Variants in NLRP12 observed in about 807,000 individuals in gnomAD.
The protein encoded by NLRP12 is NLR family pyrin domain containing 12, also known as NACHT, LRR and PYD domains-containing protein 12.
Under a neutral mutation model 91.2 loss-of-function variants are expected in NLRP12, and 108 were observed. The ratio of observed to expected loss-of-function variants is 1.18; its 90% confidence interval spans 1.01 to 1.39. NLRP12 has a LOEUF of 1.39. Among genes scored for constraint, NLRP12 ranks in the 40% most tolerant of loss-of-function variants. The pLI, the probability that NLRP12 is intolerant of heterozygous loss-of-function variation, is 0.00. For synonymous variants in NLRP12, 613 were observed against 566.7 expected (o/e 1.08, Z -1.16); for missense variants, 1,530 against 1,352.7 (o/e 1.13, Z -2.06).
At chr19:53,795,105 T>C (rs1217290891) in intron 9 of NLRP12, among the ~76,000 whole-genome samples, 7 of 65,892 alleles carry the variant, frequency 1.1e-4, no homozygotes, top group Admixed American at 9.2e-4. Flanking sequence ...ACCTGGTGTG[T>C]GCGTGTGTGT....
chr19:53,822,266 G>A (rs1305760296), intron 1 of NLRP12, among the ~76,000 whole-genome samples: 1 of 152,120 alleles, frequency 6.6e-6, no homozygotes, highest in African/African-American at 2.4e-5. Context: ...ATATAGATGT[G>A]TGTGTACGTA....
intron 1 of NLRP12, among the ~76,000 whole-genome samples, chr19:53,822,170 C>T (rs1273633582): frequency 6.6e-6 from 1 of 152,118 alleles, no homozygotes; most frequent in Admixed American, 6.6e-5. Flanking sequence ...ATCAATCTTA[C>T]TCTGAATCTC....
intron 4 of NLRP12, among the ~76,000 whole-genome samples, chr19:53,806,789 T>A (rs2091966420): frequency 6.7e-6 from 1 of 148,458 alleles, no homozygotes; most frequent in South Asian, 2.1e-4. Flanking sequence ...GTCCAGGAGT[T>A]TGGGGCTGCA....
At chr19:53,802,429 C>T (rs577103365) in intron 6 of NLRP12, among the ~76,000 whole-genome samples, 5 of 150,906 alleles carry the variant, frequency 3.3e-5, no homozygotes, top group South Asian at 4.2e-4. Context: ...AGAATGCGGC[C>T]GGGCATGGTG....
In NLRP12 at chr19:53,811,000, C is replaced by T. The variant is rs757161509; in HGVS notation, c.659G>A (p.Gly220Glu). 18 of 1,613,998 alleles carry T rather than the reference C, an allele frequency of 1.1e-5. No individual in the cohort carries two copies. Among genetic ancestry groups the T allele is most frequent in the Non-Finnish European group, 1.5e-5 (18 of 1,179,874 alleles). Reference protein sequence around the residue: ...PRTVVMQGAAGIGKSMLAHKV... With the variant: ...PRTVVMQGAAEIGKSMLAHKV... ...GTGTGCCAGCATGGACTTGCCTATC[C>T]CTGCCGCGCCTTGCATGACCACGGT... The change falls in exon 3 of 10, where the codon GGG becomes GAG. Residue 220 changes from glycine to glutamate, a missense_variant. Physicochemically the swap from Gly to Glu is moderately conservative, Grantham distance 98. Transcript: ENST00000324134.
chr19:53,817,584 A>G (rs2092181191), intron 1 of NLRP12, among the ~76,000 whole-genome samples: 1 of 149,750 alleles, frequency 6.7e-6, no homozygotes, highest in African/African-American at 2.5e-5. Flanking sequence ...AAAAATACAA[A>G]AATTAGCTGG....
Position 53,801,384 on chromosome 19 carries a change from G to A in NLRP12, c.2599C>T (p.Arg867Cys), listed in dbSNP as rs149373778. The A allele has an allele frequency of 4.2e-5, 67 of 1,613,724 alleles. No individual in the cohort carries two copies. Among genetic ancestry groups the A allele is most frequent in the Middle Eastern group, 1.6e-4 (1 of 6,078 alleles). ...RLRTLWLKICRLTAAACDELA... is the reference protein window; with the variant it reads ...RLRTLWLKICCLTAAACDELA... Reference sequence around the variant, plus strand: ...TCGTCACAGGCAGCAGCAGTGAGGCGGCAGATCTTCAGCCTGCACAAAGTC... The same window carrying A: ...TCGTCACAGGCAGCAGCAGTGAGGCAGCAGATCTTCAGCCTGCACAAAGTC... The change falls in exon 7 of 10, where the codon CGC becomes TGC. Residue 867 changes from arginine (R) to cysteine (C), a missense_variant. Physicochemically the swap from Arg to Cys is radical, Grantham distance 180. Coordinates refer to ENST00000324134, the MANE Select transcript of NLRP12 (RefSeq NM_144687.4).
At chr19:53,816,976 A>G (rs1318146680) in intron 1 of NLRP12, among the ~76,000 whole-genome samples, 1 of 149,540 alleles carries the variant, frequency 6.7e-6, no homozygotes, top group Non-Finnish European at 1.5e-5. Context: ...TAAATGTACA[A>G]CACTCAGCAG....
intron 6 of NLRP12, among the ~76,000 whole-genome samples, chr19:53,801,933 TAATAC>T: frequency 6.6e-6 from 1 of 151,478 alleles, no homozygotes; most frequent in East Asian, 2.0e-4. Context: ...TCTCTACTAA[TAATAC>T]AAAATTAGAC....
At chr19:53,816,591 G>A (rs1291373103) in intron 1 of NLRP12, among the ~76,000 whole-genome samples, 1 of 151,954 alleles carries the variant, frequency 6.6e-6, no homozygotes, top group African/African-American at 2.4e-5. Flanking sequence ...GCGCGATCTC[G>A]GCTCACTACA....
chr19:53,796,230 G>GC, intron 8 of NLRP12: 1 of 611,446 alleles, frequency 1.6e-6, no homozygotes, highest in Non-Finnish European at 3.0e-6. Context: ...CCACCAATTA[G>GC]CATGGCTAAT....
chr19:53,821,324 C>T lies in NLRP12; in HGVS notation c.289+2562G>A, dbSNP rs1009698068. Reference sequence around the variant, plus strand: ...AAGTGCTGGGATTACAGGCGTGAGCCACCGCACCCAGCTCATTGTGATTAT... The same window carrying T: ...AAGTGCTGGGATTACAGGCGTGAGCTACCGCACCCAGCTCATTGTGATTAT... On this transcript the variant is annotated intron_variant, in intron 1 of 9. Coordinates refer to ENST00000324134, the MANE Select transcript of NLRP12 (RefSeq NM_144687.4). Among the ~76,000 whole-genome samples, 10 of 151,862 alleles carry T rather than the reference C, an allele frequency of 6.6e-5. No individual in the cohort carries two copies. In the South Asian group the frequency reaches 2.1e-3, roughly 32 times the overall value.
chr19:53,816,501 A>G (rs1437981301), intron 1 of NLRP12, among the ~76,000 whole-genome samples: 1 of 151,842 alleles, frequency 6.6e-6, no homozygotes, highest in Admixed American at 6.6e-5. Context: ...TGGTAGATTC[A>G]GTCATCTGGC....
rs775734961 is a variant in NLRP12, at chr19:53,810,132, G to T, written c.1527C>A (p.Tyr509Ter). The T allele has an allele frequency of 4.3e-6, 7 of 1,614,196 alleles. No individual in the cohort carries two copies. The highest frequency in any genetic ancestry group is 3.3e-4 in the Middle Eastern group (2 of 6,062). The change falls in exon 3 of 10, where the codon TAC (tyrosine) becomes TAA (stop). Residue 509 changes from tyrosine (Y) to a stop codon, truncating the protein, a stop_gained. Coordinates refer to ENST00000324134, the MANE Select transcript of NLRP12 (RefSeq NM_144687.4). LOFTEE classifies it high-confidence loss of function. ...IFQKDINCER[Y>*]YSFIHLSFQE... Reference sequence around the variant, plus strand: ...GGAAACTCAAGTGGATGAAGCTGTAGTACCTCTCACAGTTGATGTCCTTCT... The same window carrying T: ...GGAAACTCAAGTGGATGAAGCTGTATTACCTCTCACAGTTGATGTCCTTCT...
At chr19:53,807,889 T>C in intron 3 of NLRP12, 1 of 523,076 alleles carries the variant, frequency 1.9e-6, no homozygotes, top group Non-Finnish European at 3.6e-6. Context: ...TAGCTGGGAT[T>C]ACAGGCATGA....
chr19:53,803,912 AT>A (rs1420961309), intron 6 of NLRP12, 39 bp downstream of exon 6: 1 of 1,592,444 alleles, frequency 6.3e-7, no homozygotes, highest in South Asian at 1.1e-5. Context: ...ATATGAAGAG[AT>A]TTGCCATTTT....
At position 53,796,255 on chromosome 19, in the gene NLRP12, A is replaced by AT. The variant is rs1367927874; in HGVS notation, c.2928-227dup. On this transcript the variant is annotated intron_variant, in intron 8 of 9. Transcript: ENST00000324134. ...GCATGGCTAATTTTTGTATCCTTTT[A>AT]TTTTTGTTTTGTTTGAGATGGAGTC... The AT allele has an allele frequency of 5.7e-6, 3 of 524,184 alleles. No homozygotes were observed. In the African/African-American group the frequency reaches 5.8e-5, roughly 10 times the overall value. The allele number at this position is 524,184 out of a possible 1,614,324, so 32.5% of individuals were successfully genotyped here. A position where few individuals can be genotyped will look rare whatever the true frequency, so the allele number is the denominator to read the frequency against.
At chr19:53,811,979 G>A (rs2092083998) in intron 2 of NLRP12, among the ~76,000 whole-genome samples, 1 of 152,084 alleles carries the variant, frequency 6.6e-6, no homozygotes. Flanking sequence ...GCTCACGCCT[G>A]TAATCCCAGC....
rs2091696127 is a variant in NLRP12 at position 53,793,866 on chromosome 19, T to C, written c.*183A>G. 1.5e-6 allele frequency: 1 copy of C among 681,870 alleles called. No individual in the cohort carries two copies. The highest frequency in any genetic ancestry group is 2.7e-6 in the Non-Finnish European group (1 of 373,256). The allele number at this position is 681,870 out of a possible 1,614,324, so 42.2% of individuals were successfully genotyped here. On this transcript the variant is annotated 3_prime_UTR_variant, in exon 10 of 10. Transcript: ENST00000324134. ...TCTCGAAGTGCTAGGATTACATACA[T>C]GAGCCACCACGCCTGGCCAGCTCTG...
Sources: allele counts gnomAD v4.1 joint callset (sites outside exome capture counted in the v4.1 genomes callset), GRCh38; gene constraint gnomAD v4.1.1; transcripts MANE v1.5; gene names NCBI Gene and HGNC (gene_info 2026-07-23, HGNC 2026-07-21).